Variants in ADARB2 observed in about 807,000 individuals in gnomAD.
ADARB2 encodes the protein inactive double-stranded RNA-specific editase B2.
A neutral mutation model predicts 62.2 loss-of-function variants in ADARB2; 25 were observed. That is an observed-to-expected ratio of 0.40 (90% CI 0.29 to 0.56). ADARB2 has a LOEUF of 0.56. ADARB2 is among the 20% of genes least tolerant of loss of function. The probability of loss-of-function intolerance (pLI) is 0.43; values close to 1 mark genes in which losing one functional copy is unlikely to be tolerated. For missense variants in ADARB2, 1,071 were observed against 1,077.4 expected, an observed-to-expected ratio of 0.99 and a Z score of 0.08; for synonymous variants, 572 against 500.8, an observed-to-expected ratio of 1.14 and a Z score of -1.90.
intron 3 of ADARB2, among the ~76,000 whole-genome samples, chr10:1,317,642 T>A (rs1296506750): frequency 1.3e-5 from 2 of 152,100 alleles, no homozygotes; most frequent in East Asian, 3.9e-4. Flanking sequence ...AATTCCCTGA[T>A]GTTGCTGGTG....
At chr10:1,414,616 A>G (rs1219460253) in intron 1 of ADARB2, among the ~76,000 whole-genome samples, 3 of 152,212 alleles carry the variant, frequency 2.0e-5, no homozygotes, top group East Asian at 3.8e-4. Flanking sequence ...CAACCTCCAC[A>G]TTCTCATCAC....
At chr10:1,344,682 G>A (rs1342379168) in intron 3 of ADARB2, among the ~76,000 whole-genome samples, 2 of 152,206 alleles carry the variant, frequency 1.3e-5, no homozygotes, top group African/African-American at 2.4e-5. Context: ...ACTGGTGCTA[G>A]GAGGGTGGTC....
intron 3 of ADARB2, among the ~76,000 whole-genome samples, chr10:1,344,915 C>T (rs906798558): frequency 1.2e-4 from 19 of 152,206 alleles, no homozygotes; most frequent in South Asian, 8.3e-4. Flanking sequence ...ATTGTGTTTC[C>T]GAGCTCCGTG....
rs376573164 is a variant in ADARB2 at position 1,260,377 on chromosome 10, C to T, written c.1192+10578G>A. Among the ~76,000 whole-genome samples the T allele has an allele frequency of 3.5e-3, 532 of 151,934 alleles. 1 individual carries two copies. The highest frequency in any genetic ancestry group is 8.8e-3 in the African/African-American group (363 of 41,404). ...AAGTCAAATTGTCCCTGTTTGCAGA[C>T]GACATGATTGTATATCTAGAAAACC... On this transcript the variant is annotated intron_variant, in intron 4 of 9. Coordinates refer to ENST00000381312, the MANE Select transcript of ADARB2 (RefSeq NM_018702.4).
Position 1,737,452 on chromosome 10 carries a change from C to T in ADARB2, c.-302G>A, listed in dbSNP as rs1164172098. 2 of 403,978 alleles carry T rather than the reference C, an allele frequency of 5.0e-6. No homozygotes were observed. Among genetic ancestry groups the T allele is most frequent in the Non-Finnish European group, 9.0e-6 (2 of 221,056 alleles). The allele number at this position is 403,978 out of a possible 1,614,324, so 25.0% of individuals were successfully genotyped here. A position where few individuals can be genotyped will look rare whatever the true frequency, so the allele number is the denominator to read the frequency against. ...TGCTCCGAGCTTCCCGCGGGCTCTG[C>T]CTCCTGCTCTGGGCTCCCAGCGCAG... On this transcript the variant is annotated 5_prime_UTR_variant, in exon 1 of 10. Transcript: ENST00000381312.
At position 1,667,689 on chromosome 10, in the gene ADARB2, A is replaced by G. The variant is rs140375883; in HGVS notation, c.100+69362T>C. ...ATACATCCTGAATTATTTGTTGCAAACCCCTAGATAAACAAGCAAGAAATG... is the reference window on the plus strand; with the variant it reads ...ATACATCCTGAATTATTTGTTGCAAGCCCCTAGATAAACAAGCAAGAAATG... On this transcript the variant is annotated intron_variant, in intron 1 of 9. Transcript: ENST00000381312. 3.4e-3 allele frequency among the ~76,000 whole-genome samples: 516 copies of G among 152,250 alleles called. 4 individuals are homozygous for G. The highest frequency in any genetic ancestry group is 0.012 in the African/African-American group (487 of 41,558).
At chr10:1,671,327 C>T (rs1227115832) in intron 1 of ADARB2, among the ~76,000 whole-genome samples, 2 of 152,172 alleles carry the variant, frequency 1.3e-5, no homozygotes, top group African/African-American at 4.8e-5. Context: ...CCACGGTTGC[C>T]CCAGGAAAGG....
intron 1 of ADARB2, among the ~76,000 whole-genome samples, chr10:1,711,403 C>T (rs986388738): frequency 2.0e-5 from 3 of 152,160 alleles, no homozygotes; most frequent in Admixed American, 6.5e-5. Flanking sequence ...CTACCCCTGG[C>T]GGAGACCAGC....
At chr10:1,447,974 T>C (rs1175428763) in intron 1 of ADARB2, among the ~76,000 whole-genome samples, 3 of 152,242 alleles carry the variant, frequency 2.0e-5, no homozygotes, top group African/African-American at 7.2e-5. Context: ...GTATCCAGTC[T>C]ACCACTGATG....
At chr10:1,558,256 G>A (rs1832733614) in intron 1 of ADARB2, among the ~76,000 whole-genome samples, 1 of 144,308 alleles carries the variant, frequency 6.9e-6, no homozygotes, top group African/African-American at 2.6e-5. Flanking sequence ...GACCCCGCAT[G>A]CTCCATCTAA....
intron 1 of ADARB2, among the ~76,000 whole-genome samples, chr10:1,510,114 T>C (rs150885878): frequency 0.058 from 3,436 of 59,426 alleles, 71 homozygotes; most frequent in Non-Finnish European, 0.075. Context: ...CTTTCTCTCT[T>C]TCTTTCTTTC....
At chr10:1,339,281 G>A (rs1195688475) in intron 3 of ADARB2, among the ~76,000 whole-genome samples, 1 of 152,238 alleles carries the variant, frequency 6.6e-6, no homozygotes, top group Non-Finnish European at 1.5e-5. Flanking sequence ...TGGTGACCAC[G>A]ATTCACACAT....
At chr10:1,243,384 G>A (rs1830946275) in intron 4 of ADARB2, among the ~76,000 whole-genome samples, 2 of 152,218 alleles carry the variant, frequency 1.3e-5, no homozygotes, top group Admixed American at 6.5e-5. Context: ...GCCAGAAGCA[G>A]GCCTCCCTCC....
rs1426271936 is a variant in ADARB2 at position 1,183,318 on chromosome 10, C to A, written c.2095G>T (p.Ala699Ser). 3.7e-6 allele frequency: 6 copies of A among 1,614,070 alleles called. No individual in the cohort carries two copies. The highest frequency in any genetic ancestry group is 1.6e-4 in the Middle Eastern group (1 of 6,076). ...PGDTPSMYCE[A>S]KLGAHTYQSV... ...TGGTAGGTGTGCGCCCCCAGCTTGGCCTCACAGTACATGGAGGGCGTGTCT... is the reference window on the plus strand; with the variant it reads ...TGGTAGGTGTGCGCCCCCAGCTTGGACTCACAGTACATGGAGGGCGTGTCT... The change falls in exon 10 of 10, where the codon GCC becomes TCC. Residue 699 changes from alanine to serine, a missense_variant. Coordinates refer to ENST00000381312, the MANE Select transcript of ADARB2 (RefSeq NM_018702.4).
At chr10:1,476,463 G>A (rs1435844206) in intron 1 of ADARB2, among the ~76,000 whole-genome samples, 1 of 152,206 alleles carries the variant, frequency 6.6e-6, no homozygotes, top group African/African-American at 2.4e-5. Context: ...AGTTCTTGGG[G>A]GATAAATTCC....
At chr10:1,646,570 A>G (rs2119065799) in intron 1 of ADARB2, among the ~76,000 whole-genome samples, 2 of 152,366 alleles carry the variant, frequency 1.3e-5, no homozygotes, top group Admixed American at 1.3e-4. Context: ...ATGCAGTCAC[A>G]GAAGACAGTC....
chr10:1,229,237 G>A (rs537644299), intron 6 of ADARB2, among the ~76,000 whole-genome samples: 2 of 152,238 alleles, frequency 1.3e-5, no homozygotes, highest in African/African-American at 2.4e-5. Flanking sequence ...AGAATTTCTC[G>A]AGCCACATGC....
rs562322533 is a variant in ADARB2, at chr10:1,606,175, T to C, written c.100+130876A>G. Among the ~76,000 whole-genome samples, 112 of 152,314 alleles carry C rather than the reference T, an allele frequency of 7.4e-4. 1 individual carries two copies. Among genetic ancestry groups the C allele is most frequent in the Non-Finnish European group, 1.2e-4 (8 of 68,004 alleles). ...CTCCTTCCTTTCCTGTTGCCCAAGTTTGGGCATGCAGCTGGTGTCCCAGCA... is the reference window on the plus strand; with the variant it reads ...CTCCTTCCTTTCCTGTTGCCCAAGTCTGGGCATGCAGCTGGTGTCCCAGCA... On this transcript the variant is annotated intron_variant, in intron 1 of 9. Transcript: ENST00000381312.
intron 3 of ADARB2, among the ~76,000 whole-genome samples, chr10:1,326,776 CCCTCCT>C (rs1831852390): frequency 8.1e-5 from 6 of 73,964 alleles, no homozygotes; most frequent in South Asian, 5.0e-4. Context: ...GTAGCACAGC[CCCTCCT>C]CACTGCCCAG....
Sources: allele counts gnomAD v4.1 joint callset (sites outside exome capture counted in the v4.1 genomes callset), GRCh38; gene constraint gnomAD v4.1.1; transcripts MANE v1.5; gene names NCBI Gene and HGNC (gene_info 2026-07-23, HGNC 2026-07-21).